PID1: variants seen among roughly 807,000 people sequenced by gnomAD.
PID1 encodes the protein PTB-containing, cubilin and LRP1-interacting protein.
In PID1, 10 loss-of-function variants were observed where a neutral mutation model predicts 19.1. The ratio of observed to expected loss-of-function variants is 0.52; its 90% CI spans 0.32 to 0.89. PID1 has a LOEUF of 0.89. PID1 is among the 40% of genes least tolerant of loss of function. The pLI is 0.03. For missense variants in PID1, 248 were observed against 285.3 expected (o/e 0.87, Z 0.94); for synonymous variants, 130 against 116.0 (o/e 1.12, Z -0.78).
intron 1 of PID1, chr2:229,232,091 T>C: frequency 6.7e-7 from 1 of 1,498,572 alleles, no homozygotes; most frequent in African/African-American, 1.4e-5. Flanking sequence ...TTCATTCCAT[T>C]CAAGAGGGGA....
chr2:229,098,065 T>C (rs867597984), intron 2 of PID1, among the ~76,000 whole-genome samples: 1 of 152,212 alleles, frequency 6.6e-6, no homozygotes, highest in South Asian at 2.1e-4. Flanking sequence ...CAGAGGCCCA[T>C]TGAATCATGA....
At chr2:229,039,050 C>T (rs1033578595) in intron 2 of PID1, among the ~76,000 whole-genome samples, 8 of 152,160 alleles carry the variant, frequency 5.3e-5, no homozygotes, top group Non-Finnish European at 8.8e-5. Flanking sequence ...TTAAGTAACG[C>T]CACTGTATAC....
chr2:229,100,887 C>T lies in PID1; in HGVS notation c.177+54931G>A, dbSNP rs530066067. On this transcript the variant is annotated intron_variant, in intron 2 of 2. Coordinates refer to ENST00000392055, the MANE Select transcript of PID1 (RefSeq NM_001100818.2). The stretch of plus-strand genomic sequence containing the variant: ...AGATGCTCAGGGAAATCTGACATCA[C>T]AGCATAAGGTCTGGCGACTAGTCAG... 2.0e-5 allele frequency among the ~76,000 whole-genome samples: 3 copies of T among 152,344 alleles called. No individual in the cohort carries two copies. The South Asian group carries it at 6.2e-4, about 32-fold the overall frequency.
At chr2:229,040,395 T>C (rs1693747953) in intron 2 of PID1, among the ~76,000 whole-genome samples, 1 of 152,144 alleles carries the variant, frequency 6.6e-6, no homozygotes, top group Non-Finnish European at 1.5e-5. Context: ...TGAAAGTGTA[T>C]ATTTTTATAT....
chr2:229,123,935 A>C (rs1695573397), intron 2 of PID1, among the ~76,000 whole-genome samples: 1 of 152,176 alleles, frequency 6.6e-6, no homozygotes, highest in Non-Finnish European at 1.5e-5. Flanking sequence ...CATTATTTGC[A>C]AATATTTTCT....
chr2:229,116,984 G>A (rs1245030337), intron 2 of PID1, among the ~76,000 whole-genome samples: 2 of 152,026 alleles, frequency 1.3e-5, no homozygotes, highest in Non-Finnish European at 2.9e-5. Context: ...TGTTCCTTGG[G>A]GCTGCTCCTG....
chr2:229,222,860 CACAA>C (rs1480123312), intron 1 of PID1, among the ~76,000 whole-genome samples: 3 of 83,494 alleles, frequency 3.6e-5, no homozygotes, highest in Admixed American at 1.1e-4. Context: ...TCTCTTCACA[CACAA>C]ACACACACAC....
intron 2 of PID1, among the ~76,000 whole-genome samples, chr2:229,147,143 C>T (rs1241793675): frequency 1.3e-5 from 2 of 152,156 alleles, no homozygotes; most frequent in African/African-American, 4.8e-5. Context: ...TGACACCAGA[C>T]AAATCACAAG....
chr2:229,070,547 G>T (rs1694430208), intron 2 of PID1, among the ~76,000 whole-genome samples: 2 of 152,154 alleles, frequency 1.3e-5, no homozygotes, highest in Admixed American at 6.5e-5. Flanking sequence ...CAGTAATTTT[G>T]TGGCCCCTCC....
At chr2:229,250,898 C>T (rs1690134075) in intron 1 of PID1, among the ~76,000 whole-genome samples, 1 of 152,204 alleles carries the variant, frequency 6.6e-6, no homozygotes, top group Non-Finnish European at 1.5e-5. Context: ...ACAGGGACCT[C>T]TTCTTTATAC....
chr2:229,209,748 A>C (rs950910714), intron 1 of PID1, among the ~76,000 whole-genome samples: 1 of 152,156 alleles, frequency 6.6e-6, no homozygotes, highest in Admixed American at 6.5e-5. Context: ...ATGTAAGTGG[A>C]ATGCTATTCT....
intron 2 of PID1, among the ~76,000 whole-genome samples, chr2:229,082,198 C>G (rs943902723): frequency 6.6e-6 from 1 of 152,142 alleles, no homozygotes; most frequent in Non-Finnish European, 1.5e-5. Flanking sequence ...TGGAAGAGGA[C>G]GAGGCTCCAA....
intron 1 of PID1, among the ~76,000 whole-genome samples, chr2:229,216,025 T>C (rs1009663608): frequency 2.0e-5 from 3 of 152,122 alleles, no homozygotes; most frequent in Non-Finnish European, 4.4e-5. Flanking sequence ...CAGCAAAACC[T>C]CATATTTCCT....
intron 1 of PID1, among the ~76,000 whole-genome samples, chr2:229,205,481 A>G (rs1486305130): frequency 1.3e-5 from 2 of 152,084 alleles, no homozygotes; most frequent in African/African-American, 2.4e-5. Flanking sequence ...AGAACACACA[A>G]TCTGGTGGGT....
chr2:229,160,270 C>T (rs1314303280), intron 1 of PID1, among the ~76,000 whole-genome samples: 1 of 151,984 alleles, frequency 6.6e-6, no homozygotes, highest in Non-Finnish European at 1.5e-5. Flanking sequence ...AGTCACTAAG[C>T]AAACAGAGAC....
chr2:229,092,510 C>A (rs1694896420), intron 2 of PID1, among the ~76,000 whole-genome samples: 1 of 152,160 alleles, frequency 6.6e-6, no homozygotes, highest in Non-Finnish European at 1.5e-5. Context: ...TCTAGTGGCA[C>A]CATCATGATA....
At chr2:229,225,291 T>C (rs1692053842) in intron 1 of PID1, among the ~76,000 whole-genome samples, 1 of 152,154 alleles carries the variant, frequency 6.6e-6, no homozygotes, top group Admixed American at 6.5e-5. Context: ...TTTAGCAGCC[T>C]GTACCCACAG....
chr2:229,151,625 C>A (rs1381795318), intron 2 of PID1, among the ~76,000 whole-genome samples: 1 of 150,218 alleles, frequency 6.7e-6, no homozygotes, highest in Non-Finnish European at 1.5e-5. Flanking sequence ...GGCTGGAGTG[C>A]AGTGGCACGA....
chr2:229,095,017 C>T (rs1349750298), intron 2 of PID1, among the ~76,000 whole-genome samples: 1 of 152,086 alleles, frequency 6.6e-6, no homozygotes, highest in Admixed American at 6.6e-5. Flanking sequence ...ATTCTACATA[C>T]GAAGACAATA....
Sources: gnomAD v4.1 joint callset for allele counts (sites outside exome capture counted in the v4.1 genomes callset) on GRCh38, gnomAD v4.1.1 for gene constraint, MANE v1.5 for transcripts, NCBI Gene and HGNC (gene_info 2026-07-23, HGNC 2026-07-21) for gene names.